The following HIVEP1 variants were observed in gnomAD, a reference collection of about 807,000 sequenced individuals.
The protein encoded by HIVEP1 is zinc finger protein 40.
HIVEP1 carries 36 observed loss-of-function variants against 180.0 expected under a neutral mutation model. The observed-to-expected ratio is 0.20, with a 90% CI of 0.15 to 0.26. The LOEUF (loss-of-function observed/expected upper bound fraction) is 0.26, where lower values mean the gene tolerates loss of function less well. HIVEP1 is among the 10% of genes least tolerant of loss of function. The pLI is 1.00. For missense variants in HIVEP1, 3,143 were observed against 3,268.7 expected (o/e 0.96, Z 0.94); for synonymous variants, 1,239 against 1,239.0 (o/e 1.00, Z 0.00).
At chr6:12,024,354 T>G (rs1431303721) in intron 2 of HIVEP1, among the ~76,000 whole-genome samples, 2 of 152,094 alleles carry the variant, frequency 1.3e-5, no homozygotes, top group Non-Finnish European at 2.9e-5. Flanking sequence ...GGCTGTGCTG[T>G]GATGCAAACA....
At chr6:12,203,831 C>A in the HIVEP1 span, among the ~76,000 whole-genome samples, 1 of 152,130 alleles carries the variant, frequency 6.6e-6, no homozygotes, top group African/African-American at 2.4e-5. Flanking sequence ...AATCCCAGCA[C>A]TTTGGGGGGC....
intron 7 of HIVEP1, among the ~76,000 whole-genome samples, chr6:12,141,691 C>CAAAAAAAAAAAAAAAAAAA (rs60419579): frequency 3.6e-4 from 7 of 19,238 alleles, no homozygotes; most frequent in Admixed American, 1.2e-3. Context: ...AAATGGAAAG[C>CAAAAAAAAAAAAAAAAAAA]AAAAAAAAAA....
At chr6:12,180,553 A>G in the HIVEP1 span, among the ~76,000 whole-genome samples, 1 of 152,204 alleles carries the variant, frequency 6.6e-6, no homozygotes, top group African/African-American at 2.4e-5. Flanking sequence ...TTAATCTCTT[A>G]ACAAGTAATT....
At chr6:12,095,360 T>A (rs911551216) in intron 3 of HIVEP1, among the ~76,000 whole-genome samples, 5 of 151,980 alleles carry the variant, frequency 3.3e-5, no homozygotes, top group Non-Finnish European at 5.9e-5. Flanking sequence ...TCTGCTCTAT[T>A]GGAATCACTT....
At chr6:12,160,636 G>T (rs1449536021) in intron 7 of HIVEP1, among the ~76,000 whole-genome samples, 1 of 152,166 alleles carries the variant, frequency 6.6e-6, no homozygotes, top group African/African-American at 2.4e-5. Flanking sequence ...AAAACAGGAG[G>T]CAGGGGAGGG....
chr6:12,095,459 T>C (rs1489588637), intron 3 of HIVEP1, among the ~76,000 whole-genome samples: 1 of 149,736 alleles, frequency 6.7e-6, no homozygotes, highest in African/African-American at 2.5e-5. Flanking sequence ...TGCTGGTTTC[T>C]TCTCTGACCC....
At chr6:12,209,055 T>A in the HIVEP1 span, among the ~76,000 whole-genome samples, 1 of 152,320 alleles carries the variant, frequency 6.6e-6, no homozygotes, top group Admixed American at 6.5e-5. Context: ...TTCTTTCAGA[T>A]ACCTTCCTGG....
At chr6:12,113,912 A>G (rs1000098266) in intron 3 of HIVEP1, among the ~76,000 whole-genome samples, 18 of 152,220 alleles carry the variant, frequency 1.2e-4, no homozygotes, top group African/African-American at 4.1e-4. Flanking sequence ...CTTCTTGAGT[A>G]TACCTGTTTA....
chr6:12,129,528 A>C, intron 4 of HIVEP1: 1 of 615,066 alleles, frequency 1.6e-6, no homozygotes, highest in South Asian at 1.5e-5. Context: ...TGGGGGTGTC[A>C]GTGAACTGTG....
At position 12,039,913 on chromosome 6, in the gene HIVEP1, G is replaced by C. The variant is rs1769558541; in HGVS notation, c.40+24245G>C. 2.6e-5 allele frequency among the ~76,000 whole-genome samples: 4 copies of C among 152,294 alleles called. No individual in the cohort carries two copies. The South Asian group carries it at 8.3e-4, about 32-fold the overall frequency. ...TGTGAGCACCTGCAGTGGTTCCCTGGCCGGAGTTCAGGCAGGGCGGGCATC... is the reference window on the plus strand; with the variant it reads ...TGTGAGCACCTGCAGTGGTTCCCTGCCCGGAGTTCAGGCAGGGCGGGCATC... On this transcript the variant is annotated intron_variant, in intron 2 of 8. Coordinates refer to ENST00000379388, the MANE Select transcript of HIVEP1 (RefSeq NM_002114.4).
At chr6:12,032,242 G>A (rs1201080596) in intron 2 of HIVEP1, among the ~76,000 whole-genome samples, 2 of 148,658 alleles carry the variant, frequency 1.3e-5, no homozygotes, top group African/African-American at 2.5e-5. Context: ...CCGGTTTCAC[G>A]CCATTCTCCT....
the HIVEP1 span, among the ~76,000 whole-genome samples, chr6:12,198,937 A>T: frequency 6.6e-6 from 1 of 152,232 alleles, no homozygotes. Context: ...CAGACGCAAG[A>T]AGACCAATTA....
rs768635782 is a variant in HIVEP1 at position 12,122,472 on chromosome 6, C to T, written c.2677C>T (p.Pro893Ser). The T allele has an allele frequency of 3.3e-5, 54 of 1,614,100 alleles. No homozygotes were observed. The highest frequency in any genetic ancestry group is 4.5e-5 in the Non-Finnish European group (53 of 1,180,050). ...PNAPVPQSGHPRTLVRQAAIE... is the reference protein window; with the variant it reads ...PNAPVPQSGHSRTLVRQAAIE... The stretch of plus-strand genomic sequence containing the variant: ...CGCTCCTGTGCCCCAGAGTGGGCAT[C>T]CCCGTACACTTGTGAGACAAGCAGC... Residue 893 changes from proline (P) to serine (S), a missense_variant, in exon 4 of 9, where the codon CCC (proline) becomes TCC (serine). Physicochemically the swap from Pro to Ser is moderately conservative, Grantham distance 74. Transcript: ENST00000379388.
At chr6:12,090,557 C>A (rs150189347) in intron 3 of HIVEP1, among the ~76,000 whole-genome samples, 1 of 152,032 alleles carries the variant, frequency 6.6e-6, no homozygotes, top group East Asian at 1.9e-4. Flanking sequence ...TCTGGAAGGG[C>A]CATGTATATC....
At chr6:12,200,449 A>G in the HIVEP1 span, among the ~76,000 whole-genome samples, 2 of 152,170 alleles carry the variant, frequency 1.3e-5, no homozygotes, top group African/African-American at 2.4e-5. Context: ...GTTTTCTTCT[A>G]CCTCCAGCTT....
intron 2 of HIVEP1, among the ~76,000 whole-genome samples, chr6:12,054,009 A>G (rs1464358117): frequency 6.6e-6 from 1 of 152,246 alleles, no homozygotes; most frequent in Non-Finnish European, 1.5e-5. Context: ...AACGTAGGTT[A>G]TCTTTCCCTT....
chr6:12,176,994 C>T, the HIVEP1 span, among the ~76,000 whole-genome samples: 8 of 152,158 alleles, frequency 5.3e-5, no homozygotes, highest in Non-Finnish European at 1.2e-4. Flanking sequence ...TGAAAAAGAA[C>T]GAGATCATAT....
At position 12,164,354 on chromosome 6, in the gene HIVEP1, G is replaced by A; in HGVS notation, c.8050G>A (p.Asp2684Asn). Reference protein sequence around the residue: ...KPSGQQTLSPDRQVPRPTALP... With the variant: ...KPSGQQTLSPNRQVPRPTALP... ...CTCAGGCCAGCAGACTCTCTCTCCA[G>A]ACAGACAGGTTCCCAGGCCCACAGC... is the stretch of plus-strand genomic sequence containing the variant. Residue 2684 changes from aspartate to asparagine, a missense_variant, in exon 9 of 9, where the codon GAC becomes AAC. Physicochemically the swap from Asp to Asn is conservative, Grantham distance 23. Around this residue, in one of 12 missense-constraint regions of HIVEP1, gnomAD observed 595 missense variants for 602.2 expected, o/e 0.99. Transcript: ENST00000379388. 1 of 1,614,074 alleles carries A rather than the reference G, an allele frequency of 6.2e-7. No individual in the cohort carries two copies. The highest frequency in any genetic ancestry group is 8.5e-7 in the Non-Finnish European group (1 of 1,180,016).
the HIVEP1 span, among the ~76,000 whole-genome samples, chr6:12,176,670 A>C: frequency 6.6e-6 from 1 of 152,062 alleles, no homozygotes; most frequent in African/African-American, 2.4e-5. Flanking sequence ...TTTAAAAAGG[A>C]TACAAAGCAT....
Sources: gnomAD v4.1 joint callset for allele counts (sites outside exome capture counted in the v4.1 genomes callset) on GRCh38, gnomAD v4.1.1 for gene constraint, gnomAD v4.1.1 regional missense constraint, MANE v1.5 for transcripts, NCBI Gene and HGNC (gene_info 2026-07-23, HGNC 2026-07-21) for gene names.